The following MTHFD2 variants were observed in gnomAD, a reference collection of about 807,000 sequenced individuals.
MTHFD2 encodes bifunctional methylenetetrahydrofolate dehydrogenase/cyclohydrolase, mitochondrial.
In MTHFD2, 26 loss-of-function variants were observed where a neutral mutation model predicts 36.8. The ratio of observed to expected loss-of-function variants is 0.71; its 90% CI spans 0.52 to 0.98. MTHFD2 has a LOEUF of 0.98. Ranked by LOEUF, MTHFD2 falls within the 50% of genes least tolerant of loss-of-function variation. The pLI, the probability that MTHFD2 is intolerant of heterozygous loss-of-function variation, is 0.00. For missense variants in MTHFD2, 373 were observed against 434.0 expected (o/e 0.86, Z 1.25); for synonymous variants, 164 against 155.2 (o/e 1.06, Z -0.42).
At chr2:74,209,438 A>G (rs1484679493) in intron 4 of MTHFD2, among the ~76,000 whole-genome samples, 1 of 151,800 alleles carries the variant, frequency 6.6e-6, no homozygotes, top group African/African-American at 2.4e-5. Context: ...TTTTTAGTAC[A>G]GACGGGGTTT....
At position 74,208,721 on chromosome 2, in the gene MTHFD2, G is replaced by A. The variant is rs1185855548; in HGVS notation, c.562G>A (p.Gly188Ser). 5 of 1,613,604 alleles carry A rather than the reference G, an allele frequency of 3.1e-6. No individual in the cohort carries two copies. The highest frequency in any genetic ancestry group is 4.2e-6 in the Non-Finnish European group (5 of 1,179,800). The change falls in exon 4 of 8, where the codon GGC (glycine) becomes AGC (serine). Residue 188 changes from glycine to serine, a missense_variant and splice_region_variant. This residue lies in a region of MTHFD2 where 308 missense variants were observed against 397.8 expected (regional missense o/e 0.77). Coordinates refer to ENST00000394053, the MANE Select transcript of MTHFD2 (RefSeq NM_006636.4). ...TGTGTGGGAAATAATCAAGCGAACT[G>A]GTAGGTATATCCCAGAATTGCATGT... ...WGVWEIIKRT[G>S]IPTLGKNVVV...
At chr2:74,199,316 G>A (rs899306815) in intron 1 of MTHFD2, among the ~76,000 whole-genome samples, 1 of 152,136 alleles carries the variant, frequency 6.6e-6, no homozygotes, top group Non-Finnish European at 1.5e-5. Flanking sequence ...GAACATGAAC[G>A]GACTCTGGGC....
At chr2:74,203,913 T>C (rs984446426) in intron 1 of MTHFD2, among the ~76,000 whole-genome samples, 4 of 102,418 alleles carry the variant, frequency 3.9e-5, no homozygotes, top group East Asian at 4.4e-4. Flanking sequence ...TTAGTTAGTT[T>C]AGTTTAGTTT....
At position 74,198,751 on chromosome 2, in the gene MTHFD2, G is replaced by C; in HGVS notation, c.101+9G>C. ...CACCTCGCGGCAGTTCGGTAAGAGG[G>C]TCACAGAGCTCGGTCAGCGCGGAAA... is the stretch of plus-strand genomic sequence containing the variant. On this transcript the variant is annotated intron_variant, in intron 1 of 7. Coordinates refer to ENST00000394053, the MANE Select transcript of MTHFD2 (RefSeq NM_006636.4). 1.9e-6 allele frequency: 3 copies of C among 1,601,624 alleles called. No individual in the cohort carries two copies. In the South Asian group the frequency reaches 3.3e-5, roughly 18 times the overall value.
intron 4 of MTHFD2, 36 bp from the exon 5 acceptor site, chr2:74,209,906 G>A (rs764816461): frequency 1.0e-5 from 16 of 1,562,282 alleles, no homozygotes; most frequent in African/African-American, 1.4e-5. Flanking sequence ...CTTTGGACTG[G>A]CACTACTTTT....
At chr2:74,210,556 A>C (rs1017113472) in intron 5 of MTHFD2, among the ~76,000 whole-genome samples, 2 of 152,236 alleles carry the variant, frequency 1.3e-5, no homozygotes, top group Non-Finnish European at 2.9e-5. Context: ...TATACTTTCA[A>C]CTATCTTTCA....
At chr2:74,211,685 T>C (rs200026056) in intron 6 of MTHFD2, 56 bp from the exon 7 acceptor site, 27 of 1,504,406 alleles carry the variant, frequency 1.8e-5, no homozygotes, top group Non-Finnish European at 2.4e-5. Flanking sequence ...TAGACAAGAA[T>C]CTGACAGGTA....
chr2:74,213,065 G>A (rs1037657899), intron 7 of MTHFD2, among the ~76,000 whole-genome samples: 19 of 151,584 alleles, frequency 1.3e-4, no homozygotes, highest in Non-Finnish European at 2.2e-4. Flanking sequence ...CCACCATGCC[G>A]GCTAATTTTT....
At chr2:74,202,956 A>G (rs1343415278) in intron 1 of MTHFD2, among the ~76,000 whole-genome samples, 1 of 152,184 alleles carries the variant, frequency 6.6e-6, no homozygotes, top group African/African-American at 2.4e-5. Context: ...CCATGCTAGT[A>G]TTATATAAAA....
chr2:74,198,853 C>T lies in MTHFD2; in HGVS notation c.101+111C>T. 5.7e-6 allele frequency: 6 copies of T among 1,056,478 alleles called. No homozygotes were observed. The Admixed American group carries it at 8.1e-5, about 14-fold the overall frequency. 65.4% of individuals were successfully genotyped at this position (1,056,478 alleles called of 1,614,324 possible). Reference sequence around the variant, plus strand: ...GGGAAGTCCTTCCCGAACATCTCCGCCCCGGCGGTGGTGGCCGCTGAGGGG... The same window carrying T: ...GGGAAGTCCTTCCCGAACATCTCCGTCCCGGCGGTGGTGGCCGCTGAGGGG... On this transcript the variant is annotated intron_variant, in intron 1 of 7. Transcript: ENST00000394053.
intron 7 of MTHFD2, among the ~76,000 whole-genome samples, chr2:74,213,311 C>A (rs1034564205): frequency 8.1e-6 from 1 of 122,992 alleles, no homozygotes; most frequent in Non-Finnish European, 1.6e-5. Context: ...GGATCCCTCT[C>A]TGTTGCCCAG....
chr2:74,208,054 A>G (rs959369166), intron 3 of MTHFD2, among the ~76,000 whole-genome samples: 2 of 150,238 alleles, frequency 1.3e-5, no homozygotes, highest in Non-Finnish European at 3.0e-5. Flanking sequence ...GACTATAGGC[A>G]TGTCCACCAT....
At chr2:74,210,100 C>T (rs1305692314) in intron 5 of MTHFD2, 51 bp downstream of exon 5, 2 of 1,439,658 alleles carry the variant, frequency 1.4e-6, no homozygotes, top group South Asian at 2.4e-5. Context: ...CATGTAAGAA[C>T]TTTCAGAAGC....
At chr2:74,208,822 C>A in intron 4 of MTHFD2, 101 bp downstream of exon 4, 1 of 1,219,792 alleles carries the variant, frequency 8.2e-7, no homozygotes, top group Non-Finnish European at 1.2e-6. Context: ...AACCCTACTG[C>A]ATATCCTCTA....
At chr2:74,203,911 T>TTTAGTTTAG (rs1558852978) in intron 1 of MTHFD2, among the ~76,000 whole-genome samples, 32 of 84,462 alleles carry the variant, frequency 3.8e-4, no homozygotes, top group East Asian at 7.4e-4. Flanking sequence ...GTTTAGTTAG[T>TTTAGTTTAG]TTAGTTTAGT....
At position 74,216,708 on chromosome 2, in the gene MTHFD2, A is replaced by G. The variant is rs1245381585; in HGVS notation, c.*2466A>G. On this transcript the variant is annotated 3_prime_UTR_variant, in exon 8 of 8. Coordinates refer to ENST00000394053, the MANE Select transcript of MTHFD2 (RefSeq NM_006636.4). The stretch of plus-strand genomic sequence containing the variant: ...ACTGCAGCCTTGAACTCCTGGACTT[A>G]AACGATCCTCCTGCATCAGCCTCTG... The G allele has an allele frequency of 6.6e-6, 1 of 152,170 alleles. No homozygotes were observed. The highest frequency in any genetic ancestry group is 2.4e-5 in the African/African-American group (1 of 41,436). 9.4% of individuals were successfully genotyped at this position (152,170 alleles called of 1,614,324 possible). A position where few individuals can be genotyped will look rare whatever the true frequency, so the allele number is the denominator to read the frequency against.
rs1375527474 is a variant in MTHFD2 at position 74,214,263 on chromosome 2, C to G, written c.*21C>G. 1 of 1,611,190 alleles carries G rather than the reference C, an allele frequency of 6.2e-7. No homozygotes were observed. Among genetic ancestry groups the G allele is most frequent in the East Asian group, 2.2e-5 (1 of 44,818 alleles). ...ATTAACTACTGTGTCTTCTGTGTCA[C>G]AAACAGCACTCCAGGCCAGCTCAAG... On this transcript the variant is annotated 3_prime_UTR_variant, in exon 8 of 8. Transcript: ENST00000394053.
chr2:74,202,208 TGTGTAA>T (rs1041342882), intron 1 of MTHFD2, among the ~76,000 whole-genome samples: 12 of 152,136 alleles, frequency 7.9e-5, no homozygotes, highest in South Asian at 4.1e-4. Flanking sequence ...TATCTCCTTA[TGTGTAA>T]GTGTATCTAT....
intron 2 of MTHFD2, 73 bp downstream of exon 2, chr2:74,205,962 G>C (rs374388264): frequency 2.0e-6 from 3 of 1,486,840 alleles, no homozygotes; most frequent in East Asian, 2.3e-5. Flanking sequence ...TCTAATTTAT[G>C]ATTTCTTTTT....
Sources: allele counts gnomAD v4.1 joint callset (sites outside exome capture counted in the v4.1 genomes callset), GRCh38; gene constraint gnomAD v4.1.1; regional missense constraint gnomAD v4.1.1; transcripts MANE v1.5; gene names NCBI Gene and HGNC (gene_info 2026-07-23, HGNC 2026-07-21).